The following COL23A1 variants were observed in gnomAD, a reference collection of about 807,000 sequenced individuals.
COL23A1 encodes collagen type XXIII alpha 1 chain.
Under a neutral mutation model 99.3 loss-of-function variants are expected in COL23A1, and 97 were observed. That is an observed-to-expected ratio of 0.98 (90% CI 0.83 to 1.16). The LOEUF is 1.16. COL23A1 is among the 50% of genes most tolerant of loss of function. COL23A1 has a pLI of 0.00. For missense variants in COL23A1, 762 were observed against 757.4 expected (o/e 1.01, Z -0.07); for synonymous variants, 320 against 308.2 (o/e 1.04, Z -0.40).
intron 2 of COL23A1, among the ~76,000 whole-genome samples, chr5:178,546,518 G>A (rs534943292): frequency 5.9e-5 from 9 of 152,264 alleles, no homozygotes; most frequent in Non-Finnish European, 8.8e-5. Context: ...AAAGCTGGCC[G>A]TCTGCCCCCC....
chr5:178,249,999 A>ACG, intron 18 of COL23A1, 62 bp downstream of exon 18: 1 of 1,568,086 alleles, frequency 6.4e-7, no homozygotes, highest in African/African-American at 1.3e-5. Context: ...ACACACACAC[A>ACG]CACACACACA....
intron 2 of COL23A1, among the ~76,000 whole-genome samples, chr5:178,329,318 C>T (rs896599125): frequency 6.6e-6 from 1 of 152,192 alleles, no homozygotes; most frequent in African/African-American, 2.4e-5. Flanking sequence ...ATTGCTCAGA[C>T]AACTGGACGG....
chr5:178,295,620 C>T (rs1235946238), intron 3 of COL23A1, among the ~76,000 whole-genome samples: 1 of 152,138 alleles, frequency 6.6e-6, no homozygotes, highest in African/African-American at 2.4e-5. Context: ...AATTATCCTC[C>T]TAGAAATGTA....
chr5:178,307,047 C>A lies in COL23A1; in HGVS notation c.362-128G>T. On this transcript the variant is annotated intron_variant, in intron 2 of 28. Coordinates refer to ENST00000390654, the MANE Select transcript of COL23A1 (RefSeq NM_173465.4). This position sits in a 1 kb window ranked among gnomAD's most constrained non-coding sequence, Gnocchi z 4.2. ...CTGGGAGTGGCCTGCCCGAGGGGGT[C>A]TGCTGGCTGTGGAGGGGGAGATGCG... is the stretch of plus-strand genomic sequence containing the variant. The A allele has an allele frequency of 1.7e-6, 1 of 596,522 alleles. No individual in the cohort carries two copies. The highest frequency in any genetic ancestry group is 2.8e-6 in the Non-Finnish European group (1 of 361,272). The allele number at this position is 596,522 out of a possible 1,614,324, so 37.0% of individuals were successfully genotyped here.
intron 2 of COL23A1, among the ~76,000 whole-genome samples, chr5:178,420,727 C>G (rs969038156): frequency 7.6e-6 from 1 of 131,452 alleles, no homozygotes; most frequent in Non-Finnish European, 1.6e-5. Context: ...CTCTGTCCTT[C>G]GGGCTACAGC....
Position 178,534,354 on chromosome 5 carries a change from G to A in COL23A1, c.361+26328C>T, listed in dbSNP as rs1199698248. Among the ~76,000 whole-genome samples the A allele has an allele frequency of 2.6e-5, 4 of 152,170 alleles. No individual in the cohort carries two copies. In the East Asian group the frequency reaches 5.8e-4, roughly 22 times the overall value. ...GACTTAACCACCTTCCAAAGGCCCC[G>A]CCTCCCAACACCCCCGCCTTCACGG... On this transcript the variant is annotated intron_variant, in intron 2 of 28. Transcript: ENST00000390654.
chr5:178,372,040 C>G (rs1469739615), intron 2 of COL23A1, among the ~76,000 whole-genome samples: 1 of 152,238 alleles, frequency 6.6e-6, no homozygotes, highest in East Asian at 1.9e-4. Context: ...GATGTTTTGT[C>G]TGGTCTGCAG....
intron 2 of COL23A1, among the ~76,000 whole-genome samples, chr5:178,332,541 A>G (rs892994645): frequency 6.6e-6 from 1 of 152,162 alleles, no homozygotes; most frequent in Admixed American, 6.5e-5. Flanking sequence ...GTCTGCAACT[A>G]TAAATCCTGA....
intron 2 of COL23A1, among the ~76,000 whole-genome samples, chr5:178,322,625 T>A (rs1025994061): frequency 2.6e-5 from 4 of 151,500 alleles, no homozygotes; most frequent in African/African-American, 9.7e-5. Flanking sequence ...CCTCTCCAGG[T>A]CATGTGAAGA....
At chr5:178,404,898 A>C (rs1764672280) in intron 2 of COL23A1, among the ~76,000 whole-genome samples, 1 of 152,198 alleles carries the variant, frequency 6.6e-6, no homozygotes, top group South Asian at 2.1e-4. Flanking sequence ...CCAGGACAAG[A>C]ATGAGCTCAC....
Position 178,285,561 on chromosome 5 carries a change from G to A in COL23A1, c.441+2763C>T, listed in dbSNP as rs1480528989. Among the ~76,000 whole-genome samples the A allele has an allele frequency of 2.6e-5, 4 of 152,240 alleles. No homozygotes were observed. The East Asian group carries it at 7.7e-4, about 29-fold the overall frequency. On this transcript the variant is annotated intron_variant, in intron 5 of 28. Transcript: ENST00000390654. ...AGACTGTCAACGATGAGGAAAGACA[G>A]TGATATTTATAGAAGGGCTGCCACA...
intron 2 of COL23A1, among the ~76,000 whole-genome samples, chr5:178,483,803 T>C (rs990013737): frequency 6.6e-6 from 1 of 152,242 alleles, no homozygotes; most frequent in Admixed American, 6.5e-5. Context: ...GCAGCGGGGT[T>C]CCTCTTCAAA....
At chr5:178,411,546 G>A (rs1177144128) in intron 2 of COL23A1, among the ~76,000 whole-genome samples, 1 of 152,168 alleles carries the variant, frequency 6.6e-6, no homozygotes, top group Non-Finnish European at 1.5e-5. Flanking sequence ...GACAAAAGGT[G>A]TTGTATAACT....
intron 28 of COL23A1, 57 bp from the exon 29 acceptor site, chr5:178,238,757 T>A: frequency 6.2e-7 from 1 of 1,611,350 alleles, no homozygotes; most frequent in Non-Finnish European, 8.5e-7. Context: ...TCCGCCCCCA[T>A]CCAGGCCACC....
intron 2 of COL23A1, among the ~76,000 whole-genome samples, chr5:178,311,344 C>T (rs536085328): frequency 6.6e-6 from 1 of 152,288 alleles, no homozygotes; most frequent in African/African-American, 2.4e-5. Flanking sequence ...CTTGCGGAAT[C>T]ATGAACCAGA....
At chr5:178,311,279 TAG>T (rs1265138157) in intron 2 of COL23A1, among the ~76,000 whole-genome samples, 1 of 152,126 alleles carries the variant, frequency 6.6e-6, no homozygotes, top group South Asian at 2.1e-4. Flanking sequence ...CATTGAACCT[TAG>T]AGTTTCCAAC....
At chr5:178,580,514 T>C (rs1289213946) in intron 1 of COL23A1, among the ~76,000 whole-genome samples, 1 of 152,030 alleles carries the variant, frequency 6.6e-6, no homozygotes, top group Non-Finnish European at 1.5e-5. Context: ...AATATGTTTC[T>C]GGACATGATG....
Position 178,366,438 on chromosome 5 carries a change from G to C in COL23A1, c.362-59519C>G, listed in dbSNP as rs1762483847. The stretch of plus-strand genomic sequence containing the variant: ...CATCCGCCCTTCCCTGCATCCTCCT[G>C]GGCTGGTTCCAGTTTGGGGCCATCA... On this transcript the variant is annotated intron_variant, in intron 2 of 28. Transcript: ENST00000390654. The surrounding 1 kb of genome is among the most constrained non-coding windows in gnomAD (Gnocchi z 4.4). Among the ~76,000 whole-genome samples, 1 of 152,184 alleles carries C rather than the reference G, an allele frequency of 6.6e-6. No homozygotes were observed. The highest frequency in any genetic ancestry group is 1.5e-5 in the Non-Finnish European group (1 of 68,036).
In COL23A1 at chr5:178,415,709, G is replaced by A. The variant is rs1030117512; in HGVS notation, c.362-108790C>T. 6.6e-6 allele frequency among the ~76,000 whole-genome samples: 1 copy of A among 152,218 alleles called. No homozygotes were observed. The highest frequency in any genetic ancestry group is 1.5e-5 in the Non-Finnish European group (1 of 68,030). Reference sequence around the variant, plus strand: ...ACTGTCCCACGCCACATCTGTGCCCGAGCCCTGCTGCACAAGGGGATGCAG... The same window carrying A: ...ACTGTCCCACGCCACATCTGTGCCCAAGCCCTGCTGCACAAGGGGATGCAG... On this transcript the variant is annotated intron_variant, in intron 2 of 28. Transcript: ENST00000390654. The surrounding 1 kb of genome is among the most constrained non-coding windows in gnomAD (Gnocchi z 4.6).
Sources: allele counts gnomAD v4.1 joint callset (sites outside exome capture counted in the v4.1 genomes callset), GRCh38; gene constraint gnomAD v4.1.1; non-coding constraint Gnocchi (gnomAD v3.1); transcripts MANE v1.5; gene names NCBI Gene and HGNC (gene_info 2026-07-23, HGNC 2026-07-21).